NANP: variants seen among roughly 807,000 people sequenced by gnomAD.
NANP encodes N-acylneuraminate-9-phosphatase.
NANP carries 15 observed loss-of-function variants against 16.9 expected under a neutral mutation model. The observed-to-expected ratio is 0.89, with a 90% confidence interval of 0.59 to 1.37. The LOEUF is 1.37. Ranked by LOEUF, NANP falls within the 40% of genes most tolerant of loss-of-function variation. The pLI is 0.00. For missense variants in NANP, 290 were observed against 303.5 expected (o/e 0.96, Z 0.33); for synonymous variants, 135 against 112.6 (o/e 1.20, Z -1.26).
chr20:25,621,506 CA>C (rs1275374749), intron 1 of NANP, among the ~76,000 whole-genome samples: 1 of 152,214 alleles, frequency 6.6e-6, no homozygotes, highest in East Asian at 1.9e-4. Flanking sequence ...CTCTTCTCCC[CA>C]AGCCCAAGGC....
rs2065328826 is a variant in NANP at position 25,613,181 on chromosome 20, T to C, written c.*2744A>G. 1 of 152,030 alleles carries C rather than the reference T, an allele frequency of 6.6e-6. No homozygotes were observed. Among genetic ancestry groups the C allele is most frequent in the Non-Finnish European group, 1.5e-5 (1 of 68,014 alleles). The allele number at this position is 152,030 out of a possible 1,614,324, so 9.4% of individuals were successfully genotyped here. ...TATTTATATTTATATATAGTTACAG[T>C]GTTATCTAACACTATAAATGTGTTA... On this transcript the variant is annotated 3_prime_UTR_variant, in exon 2 of 2. Coordinates refer to ENST00000304788, the MANE Select transcript of NANP (RefSeq NM_152667.3).
Position 25,616,044 on chromosome 20 carries a change from T to G in NANP, c.628A>C (p.Asn210His). 4.3e-6 allele frequency: 7 copies of G among 1,614,218 alleles called. No individual in the cohort carries two copies. Among genetic ancestry groups the G allele is most frequent in the Non-Finnish European group, 5.9e-6 (7 of 1,180,036 alleles). The change falls in exon 2 of 2, where the codon AAT becomes CAT. Residue 210 changes from asparagine to histidine, a missense_variant. Coordinates refer to ENST00000304788, the MANE Select transcript of NANP (RefSeq NM_152667.3). ...TTCAGTGGCACTATTCCATTTTTAT[T>G]GATCCAGACTGTTGCTTTCAATCCT... Reference protein sequence around the residue: ...NAGLKATVWINKNGIVPLKSS... With the variant: ...NAGLKATVWIHKNGIVPLKSS...
chr20:25,620,086 T>C (rs1293463224), intron 1 of NANP, among the ~76,000 whole-genome samples: 1 of 152,176 alleles, frequency 6.6e-6, no homozygotes, highest in Non-Finnish European at 1.5e-5. Context: ...ATTAACATCT[T>C]TAGGAAAAAA....
intron 1 of NANP, among the ~76,000 whole-genome samples, chr20:25,617,678 G>A (rs998058017): frequency 6.6e-6 from 1 of 152,028 alleles, no homozygotes; most frequent in Admixed American, 6.6e-5. Context: ...CACCATGCCT[G>A]GCTAATTTTT....
chr20:25,623,022 A>T (rs1310959722), intron 1 of NANP, among the ~76,000 whole-genome samples: 1 of 152,250 alleles, frequency 6.6e-6, no homozygotes, highest in African/African-American at 2.4e-5. Context: ...AGATCCAGGG[A>T]CACAAAAACT....
At chr20:25,623,796 C>G in intron 1 of NANP, 63 bp downstream of exon 1, 1 of 1,450,930 alleles carries the variant, frequency 6.9e-7, no homozygotes, top group Non-Finnish European at 9.5e-7. Context: ...GGGAGGTGAG[C>G]GTGCAGGACG....
At chr20:25,623,073 A>C (rs1346492062) in intron 1 of NANP, among the ~76,000 whole-genome samples, 1 of 152,206 alleles carries the variant, frequency 6.6e-6, no homozygotes, top group Non-Finnish European at 1.5e-5. Context: ...TCAGGTTTGG[A>C]TGAATTAGCT....
chr20:25,620,713 G>C (rs2065361131), intron 1 of NANP, among the ~76,000 whole-genome samples: 1 of 152,170 alleles, frequency 6.6e-6, no homozygotes, highest in Non-Finnish European at 1.5e-5. Flanking sequence ...CCAAGATAAG[G>C]AGTCCAGGAG....
Position 25,616,032 on chromosome 20 carries a change from T to C in NANP, c.640A>G (p.Ile214Val), listed in dbSNP as rs1160396580. 1 of 1,614,082 alleles carries C rather than the reference T, an allele frequency of 6.2e-7. No individual in the cohort carries two copies. The highest frequency in any genetic ancestry group is 1.3e-5 in the African/African-American group (1 of 74,932). Reference protein sequence around the residue: ...KATVWINKNGIVPLKSSPVPH... With the variant: ...KATVWINKNGVVPLKSSPVPH... Reference sequence around the variant, plus strand: ...ACTGGGGAGGACTTCAGTGGCACTATTCCATTTTTATTGATCCAGACTGTT... The same window carrying C: ...ACTGGGGAGGACTTCAGTGGCACTACTCCATTTTTATTGATCCAGACTGTT... The change falls in exon 2 of 2, where the codon ATA becomes GTA. Residue 214 changes from isoleucine to valine, a missense_variant. Physicochemically the swap from Ile to Val is conservative, Grantham distance 29. Coordinates refer to ENST00000304788, the MANE Select transcript of NANP (RefSeq NM_152667.3).
At chr20:25,618,342 A>G (rs2065351717) in intron 1 of NANP, among the ~76,000 whole-genome samples, 1 of 152,136 alleles carries the variant, frequency 6.6e-6, no homozygotes, top group African/African-American at 2.4e-5. Context: ...AGAGAAGAAA[A>G]TCATTCCAGA....
rs919849272 is a variant in NANP at position 25,614,089 on chromosome 20, T to C, written c.*1836A>G. On this transcript the variant is annotated 3_prime_UTR_variant, in exon 2 of 2. Coordinates refer to ENST00000304788, the MANE Select transcript of NANP (RefSeq NM_152667.3). ...GTTCACTGTTATAGCAACAGCACTT[T>C]GGTACAGTCAAGGGCACAATCACAT... 2.7e-5 allele frequency: 10 copies of C among 370,482 alleles called. No individual in the cohort carries two copies. The highest frequency in any genetic ancestry group is 7.8e-5 in the East Asian group (2 of 25,632). 22.9% of individuals were successfully genotyped at this position (370,482 alleles called of 1,614,324 possible).
Position 25,616,270 on chromosome 20 carries a change from G to A in NANP, c.402C>T (p.Asp134=). ...EVRLLLLTNG[D]RQTQREKIEA... Reference sequence around the variant, plus strand: ...CAATCTTCTCCCTCTGGGTCTGTCTGTCCCCATTCGTTAATAGAAGTAGGC... The same window carrying A: ...CAATCTTCTCCCTCTGGGTCTGTCTATCCCCATTCGTTAATAGAAGTAGGC... The change falls in exon 2 of 2, where the codon GAC becomes GAT. Residue 134 remains aspartate (D), a synonymous_variant. Transcript: ENST00000304788. 5.6e-6 allele frequency: 9 copies of A among 1,614,096 alleles called. No individual in the cohort carries two copies. Among genetic ancestry groups the A allele is most frequent in the Non-Finnish European group, 7.6e-6 (9 of 1,180,022 alleles).
Position 25,615,883 on chromosome 20 carries a change from C to A in NANP, c.*42G>T. ...CTAACTTTTCTTATTTCATACTCAGCAAATTGATTCTAACATTCATAATCA... is the reference window on the plus strand; with the variant it reads ...CTAACTTTTCTTATTTCATACTCAGAAAATTGATTCTAACATTCATAATCA... On this transcript the variant is annotated 3_prime_UTR_variant, in exon 2 of 2. Coordinates refer to ENST00000304788, the MANE Select transcript of NANP (RefSeq NM_152667.3). 1 of 1,534,904 alleles carries A rather than the reference C, an allele frequency of 6.5e-7. No homozygotes were observed. The highest frequency in any genetic ancestry group is 2.0e-5 in the Admixed American group (1 of 49,276).
chr20:25,616,549 A>G lies in NANP; in HGVS notation c.123T>C (p.Tyr41=). The G allele has an allele frequency of 1.2e-6, 2 of 1,601,620 alleles. No individual in the cohort carries two copies. The highest frequency in any genetic ancestry group is 1.3e-5 in the African/African-American group (1 of 74,466). ...CACAGATGATTTCAGCCTCTTCTTT[A>G]TAATGGTATTTTGATTGTAAGAGTT... ...VIKLLQSKYH[Y]KEEAEIICDK... The change falls in exon 2 of 2, where the codon TAT becomes TAC. Residue 41 remains tyrosine (Y), a synonymous_variant. Transcript: ENST00000304788.
chr20:25,616,976 T>C (rs1388537153), intron 1 of NANP, among the ~76,000 whole-genome samples: 1 of 152,164 alleles, frequency 6.6e-6, no homozygotes, highest in Non-Finnish European at 1.5e-5. Context: ...CACTTGAGTT[T>C]AGGAGTTCAG....
At chr20:25,618,204 G>T (rs1425105536) in intron 1 of NANP, among the ~76,000 whole-genome samples, 1 of 117,638 alleles carries the variant, frequency 8.5e-6, no homozygotes, top group Non-Finnish European at 1.7e-5. Flanking sequence ...GGCCGGGGGT[G>T]GGGGAAATGC....
At chr20:25,617,627 C>A (rs938711479) in intron 1 of NANP, among the ~76,000 whole-genome samples, 3 of 152,148 alleles carry the variant, frequency 2.0e-5, no homozygotes, top group African/African-American at 7.2e-5. Context: ...AGTGATTCTC[C>A]TGCTTCAGCC....
chr20:25,623,373 C>T (rs971480417), intron 1 of NANP, among the ~76,000 whole-genome samples: 1 of 152,238 alleles, frequency 6.6e-6, no homozygotes, highest in African/African-American at 2.4e-5. Context: ...TAAGTCCAGG[C>T]TCGGTACTGA....
intron 1 of NANP, among the ~76,000 whole-genome samples, chr20:25,617,481 G>A (rs2065347902): frequency 6.6e-6 from 1 of 152,044 alleles, no homozygotes; most frequent in Non-Finnish European, 1.5e-5. Flanking sequence ...AAATTACTAG[G>A]ATTACAGGCG....
Sources: gnomAD v4.1 joint callset for allele counts (sites outside exome capture counted in the v4.1 genomes callset) on GRCh38, gnomAD v4.1.1 for gene constraint, MANE v1.5 for transcripts, NCBI Gene and HGNC (gene_info 2026-07-23, HGNC 2026-07-21) for gene names.